CTNNA2: variants seen among roughly 807,000 people sequenced by gnomAD.
The protein encoded by CTNNA2 is catenin alpha 2.
A neutral mutation model predicts 101.0 loss-of-function variants in CTNNA2; 42 were observed. The ratio of observed to expected loss-of-function variants is 0.42; its 90% CI spans 0.32 to 0.54. CTNNA2 has a LOEUF of 0.54. CTNNA2 is among the 20% of genes least tolerant of loss of function. The pLI is 0.14. For missense variants in CTNNA2, 871 were observed against 1,223.1 expected, an observed-to-expected ratio of 0.71 and a Z score of 4.29; for synonymous variants, 450 against 456.4, an observed-to-expected ratio of 0.99 and a Z score of 0.18.
intron 7 of CTNNA2, among the ~76,000 whole-genome samples, chr2:80,125,549 A>G (rs1178185790): frequency 6.6e-6 from 1 of 152,194 alleles, no homozygotes; most frequent in Non-Finnish European, 1.5e-5. Context: ...GCACACATGC[A>G]ACCTCTGCCA....
chr2:79,901,720 G>A (rs928010329), intron 6 of CTNNA2, among the ~76,000 whole-genome samples: 6 of 152,132 alleles, frequency 3.9e-5, no homozygotes, highest in African/African-American at 1.4e-4. Context: ...GCTGTTTCTT[G>A]GCTAGTAAAG....
At chr2:79,250,342 A>G (rs888052078) in intron 2 of CTNNA2, among the ~76,000 whole-genome samples, 1 of 152,172 alleles carries the variant, frequency 6.6e-6, no homozygotes, top group African/African-American at 2.4e-5. Context: ...CACAGTGAGG[A>G]TCCTGTATGC....
chr2:80,075,543 T>TA (rs1698622927), intron 7 of CTNNA2, among the ~76,000 whole-genome samples: 1 of 144,428 alleles, frequency 6.9e-6, no homozygotes, highest in African/African-American at 2.6e-5. Context: ...GTTATAAAAA[T>TA]AATATTTATA....
At chr2:79,730,445 A>C (rs901384547) in intron 2 of CTNNA2, among the ~76,000 whole-genome samples, 1 of 151,962 alleles carries the variant, frequency 6.6e-6, no homozygotes, top group Non-Finnish European at 1.5e-5. Context: ...TATATATGCT[A>C]ATGGAGAGAT....
At chr2:79,326,026 A>G (rs1443655208) in intron 3 of CTNNA2, among the ~76,000 whole-genome samples, 4 of 152,196 alleles carry the variant, frequency 2.6e-5, no homozygotes, top group Non-Finnish European at 5.9e-5. Flanking sequence ...ATAAAACAGA[A>G]TAAAGCTGTT....
intron 7 of CTNNA2, among the ~76,000 whole-genome samples, chr2:80,193,304 G>T (rs1573354387): frequency 6.6e-6 from 1 of 152,126 alleles, no homozygotes; most frequent in African/African-American, 2.4e-5. Flanking sequence ...TGAGACCATG[G>T]GCATAGTCTT....
intron 7 of CTNNA2, among the ~76,000 whole-genome samples, chr2:80,078,751 G>A (rs1168164045): frequency 6.6e-6 from 1 of 152,172 alleles, no homozygotes; most frequent in Non-Finnish European, 1.5e-5. Flanking sequence ...TGCTTTGTGT[G>A]TATTTGTTTG....
chr2:79,774,368 A>T (rs577817573), intron 3 of CTNNA2, among the ~76,000 whole-genome samples: 1 of 152,306 alleles, frequency 6.6e-6, no homozygotes, highest in South Asian at 2.1e-4. Flanking sequence ...TGTATTAGAA[A>T]GTTCAGAGAA....
chr2:79,981,192 C>G (rs1315574627), intron 7 of CTNNA2, among the ~76,000 whole-genome samples: 1 of 151,924 alleles, frequency 6.6e-6, no homozygotes, highest in Non-Finnish European at 1.5e-5. Flanking sequence ...ACTAAGTAAA[C>G]AGAGGGGAAA....
chr2:79,752,358 G>A (rs1261129330), intron 3 of CTNNA2, among the ~76,000 whole-genome samples: 6 of 152,178 alleles, frequency 3.9e-5, no homozygotes, highest in Non-Finnish European at 8.8e-5. Flanking sequence ...GAATGTTGTT[G>A]TAGTCATATC....
chr2:79,469,123 G>T (rs1276640516), intron 4 of CTNNA2, among the ~76,000 whole-genome samples: 1 of 150,374 alleles, frequency 6.7e-6, no homozygotes, highest in Admixed American at 6.6e-5. Context: ...AAAATTGATA[G>T]ACCTCTAGCA....
intron 7 of CTNNA2, among the ~76,000 whole-genome samples, chr2:80,150,643 T>A (rs550207317): frequency 1.3e-5 from 2 of 152,314 alleles, no homozygotes; most frequent in African/African-American, 4.8e-5. Flanking sequence ...AGGGGACCAT[T>A]TGGGGAGAAA....
chr2:80,248,168 A>G (rs1671480909), intron 7 of CTNNA2, among the ~76,000 whole-genome samples: 1 of 151,916 alleles, frequency 6.6e-6, no homozygotes, highest in Admixed American at 6.6e-5. Context: ...AAACTCTCTC[A>G]CCATTCCTGT....
rs141469897 is a variant in CTNNA2 at position 79,555,375 on chromosome 2, G to T, written c.-6+42168G>T. On this transcript the variant is annotated intron_variant, in intron 1 of 18. Transcript: ENST00000402739. Reference sequence around the variant, plus strand: ...GGAGGGAAAGGTGAGAGTGAAACTGGCATCACTTTAAGGAATAAGACAGTT... The same window carrying T: ...GGAGGGAAAGGTGAGAGTGAAACTGTCATCACTTTAAGGAATAAGACAGTT... Among the ~76,000 whole-genome samples, 25 of 152,116 alleles carry T rather than the reference G, an allele frequency of 1.6e-4. No homozygotes were observed. The East Asian group carries it at 4.8e-3, about 30-fold the overall frequency.
intron 1 of CTNNA2, chr2:79,195,840 A>C (rs776948727): frequency 1.9e-6 from 1 of 513,414 alleles, no homozygotes; most frequent in East Asian, 5.5e-5. Context: ...CATATCACTC[A>C]ATGAAAGTTC....
chr2:80,322,137 C>G (rs918185688), intron 7 of CTNNA2, among the ~76,000 whole-genome samples: 3 of 151,928 alleles, frequency 2.0e-5, no homozygotes, highest in Admixed American at 6.5e-5. Context: ...TTTTTTCTTT[C>G]TAGAGAGCAA....
chr2:79,903,442 T>C (rs1685207811), intron 6 of CTNNA2, among the ~76,000 whole-genome samples: 1 of 152,084 alleles, frequency 6.6e-6, no homozygotes, highest in African/African-American at 2.4e-5. Flanking sequence ...TCTCTGATGA[T>C]TCATCATTGC....
chr2:80,065,540 G>A (rs1697926567), intron 7 of CTNNA2, among the ~76,000 whole-genome samples: 1 of 151,986 alleles, frequency 6.6e-6, no homozygotes, highest in East Asian at 1.9e-4. Flanking sequence ...TTTCAGTAGA[G>A]ACAGGGTTTC....
chr2:80,587,779 T>C (rs561777540), intron 14 of CTNNA2, among the ~76,000 whole-genome samples: 1 of 152,220 alleles, frequency 6.6e-6, no homozygotes, highest in African/African-American at 2.4e-5. Context: ...GTCTGTCTTA[T>C]GGAAAATATG....
Sources: allele counts gnomAD v4.1 joint callset (sites outside exome capture counted in the v4.1 genomes callset), GRCh38; gene constraint gnomAD v4.1.1; transcripts MANE v1.5; gene names NCBI Gene and HGNC (gene_info 2026-07-23, HGNC 2026-07-21).